The following TPP2 variants were observed in gnomAD, a reference collection of about 807,000 sequenced individuals.
TPP2 encodes the protein tripeptidyl peptidase 2.
A neutral mutation model predicts 155.9 loss-of-function variants in TPP2; 34 were observed. The ratio of observed to expected loss-of-function variants is 0.22; its 90% confidence interval spans 0.17 to 0.29. The LOEUF (loss-of-function observed/expected upper bound fraction) is 0.29, where lower values mean the gene tolerates loss of function less well. Ranked by LOEUF, TPP2 falls within the 10% of genes least tolerant of loss-of-function variation. TPP2 has a pLI of 1.00. For missense variants in TPP2, 1,028 were observed against 1,522.3 expected (o/e 0.68, Z 5.40); for synonymous variants, 510 against 529.4 (o/e 0.96, Z 0.50).
intron 6 of TPP2, among the ~76,000 whole-genome samples, chr13:102,624,113 T>C (rs139486631): frequency 0.014 from 2,159 of 152,290 alleles, 20 homozygotes; most frequent in Admixed American, 0.032. Flanking sequence ...TGAAAAAATA[T>C]GTACTGATGA....
rs993728199 is a variant in TPP2, at chr13:102,636,388, C to G, written c.1674C>G (p.Asn558Lys). Reference sequence around the variant, plus strand: ...GCATTGAACCTGTATTTCCGGAGAACACAGGTCAGTAATAGGCTGGCAGTA... The same window carrying G: ...GCATTGAACCTGTATTTCCGGAGAAGACAGGTCAGTAATAGGCTGGCAGTA... The part of the protein sequence containing the change: ...GVGIEPVFPE[N>K]TENSEKISLQ... The change falls in exon 13 of 30, where the codon AAC becomes AAG. Residue 558 changes from asparagine (N) to lysine (K), a missense_variant. Physicochemically the swap from Asn to Lys is moderately conservative, Grantham distance 94. Coordinates refer to ENST00000376052, the MANE Select transcript of TPP2 (RefSeq NM_001330588.2). The G allele has an allele frequency of 3.7e-6, 6 of 1,611,820 alleles. No individual in the cohort carries two copies. The African/African-American group carries it at 8.0e-5, about 22-fold the overall frequency.
At chr13:102,669,468 A>G (rs1396029500) in intron 27 of TPP2, among the ~76,000 whole-genome samples, 1 of 152,232 alleles carries the variant, frequency 6.6e-6, no homozygotes, top group African/African-American at 2.4e-5. Flanking sequence ...TTAATAACAT[A>G]TTGAGCAGAC....
intron 7 of TPP2, 28 bp downstream of exon 7, chr13:102,627,194 A>G: frequency 6.5e-7 from 1 of 1,528,488 alleles, no homozygotes; most frequent in Non-Finnish European, 8.8e-7. Context: ...GTTGATTCAG[A>G]AGATTAATGA....
At position 102,646,390 on chromosome 13, in the gene TPP2, A is replaced by G; in HGVS notation, c.2490A>G (p.Gln830=). 6.2e-7 allele frequency: 1 copy of G among 1,610,224 alleles called. No individual in the cohort carries two copies. Among genetic ancestry groups the G allele is most frequent in the Admixed American group, 1.7e-5 (1 of 59,644 alleles). Residue 830 remains glutamine, a splice_region_variant and synonymous_variant, in exon 20 of 30, where the codon CAA becomes CAG. Coordinates refer to ENST00000376052, the MANE Select transcript of TPP2 (RefSeq NM_001330588.2). ...TGGTCCTGACATATAACTTTCATCAAGTAAGTGTTTGCCTAGTAAAGTGTA... is the reference window on the plus strand; with the variant it reads ...TGGTCCTGACATATAACTTTCATCAGGTAAGTGTTTGCCTAGTAAAGTGTA... The part of the protein sequence containing the change: ...YEMVLTYNFH[Q]PKSGEVTPSC...
At chr13:102,631,614 T>TA (rs1882025952) in intron 10 of TPP2, 1 of 152,280 alleles carries the variant, frequency 6.6e-6, no homozygotes, top group African/African-American at 2.4e-5. Context: ...CCTTTGCCGA[T>TA]ACTCGCCATA....
chr13:102,662,414 A>G (rs563705601), intron 25 of TPP2, among the ~76,000 whole-genome samples: 1 of 152,226 alleles, frequency 6.6e-6, no homozygotes, highest in Non-Finnish European at 1.5e-5. Context: ...TGGAGAAAAA[A>G]TTGAAAAGGT....
At chr13:102,659,319 G>A (rs1884053783) in intron 25 of TPP2, among the ~76,000 whole-genome samples, 1 of 152,112 alleles carries the variant, frequency 6.6e-6, no homozygotes, top group African/African-American at 2.4e-5. Context: ...ATAATGGCTG[G>A]AAACACCCCA....
chr13:102,605,520 T>C (rs1440135466), intron 2 of TPP2, among the ~76,000 whole-genome samples: 3 of 152,134 alleles, frequency 2.0e-5, no homozygotes, highest in African/African-American at 4.8e-5. Flanking sequence ...TAATTAGAAT[T>C]GGGCGGTATT....
chr13:102,606,823 G>A (rs1879868729), intron 2 of TPP2, among the ~76,000 whole-genome samples: 1 of 152,152 alleles, frequency 6.6e-6, no homozygotes, highest in Admixed American at 6.5e-5. Context: ...AATAATCCAG[G>A]TTCTACTTCC....
At chr13:102,660,410 A>C (rs1206157847) in intron 25 of TPP2, among the ~76,000 whole-genome samples, 1 of 145,178 alleles carries the variant, frequency 6.9e-6, no homozygotes, top group African/African-American at 2.6e-5. Flanking sequence ...AACATTGAAA[A>C]AAATAAAATG....
At chr13:102,672,750 G>T (rs1399329424) in intron 27 of TPP2, among the ~76,000 whole-genome samples, 2 of 152,198 alleles carry the variant, frequency 1.3e-5, no homozygotes, top group African/African-American at 2.4e-5. Context: ...GGGAAGGAGG[G>T]TGGATCAGGC....
At chr13:102,638,184 CG>C (rs1456684914) in intron 14 of TPP2, 54 bp from the exon 15 acceptor site, 5 of 1,516,300 alleles carry the variant, frequency 3.3e-6, no homozygotes, top group African/African-American at 1.4e-5. Flanking sequence ...GACCTTCCCC[CG>C]CTCTTTTAAA....
At chr13:102,670,365 G>T (rs571939633) in intron 27 of TPP2, among the ~76,000 whole-genome samples, 1 of 152,102 alleles carries the variant, frequency 6.6e-6, no homozygotes, top group African/African-American at 2.4e-5. Context: ...ATGACATCAC[G>T]GTCATAACCT....
At chr13:102,634,208 T>A in intron 11 of TPP2, 110 bp downstream of exon 11, 1 of 1,445,846 alleles carries the variant, frequency 6.9e-7, no homozygotes, top group Non-Finnish European at 9.5e-7. Context: ...GGGCACAAAG[T>A]AGAGTTTAAG....
At chr13:102,630,556 G>C (rs539761132) in intron 10 of TPP2, among the ~76,000 whole-genome samples, 1 of 152,116 alleles carries the variant, frequency 6.6e-6, no homozygotes, top group Non-Finnish European at 1.5e-5. Flanking sequence ...AAAGCCCTAA[G>C]CTTTTATAAA....
intron 25 of TPP2, among the ~76,000 whole-genome samples, chr13:102,660,413 A>T (rs1289901229): frequency 1.4e-5 from 2 of 142,120 alleles, no homozygotes; most frequent in Non-Finnish European, 3.1e-5. Flanking sequence ...ATTGAAAAAA[A>T]TAAAATGTGT....
Position 102,674,275 on chromosome 13 carries a change from C to T in TPP2, c.3372-8C>T. The T allele has an allele frequency of 6.2e-7, 1 of 1,610,288 alleles. No individual in the cohort carries two copies. Among genetic ancestry groups the T allele is most frequent in the Non-Finnish European group, 8.5e-7 (1 of 1,178,442 alleles). ...GATATCTGAAATATTTTTTAATTTG[C>T]TGTACAGTGACATGGACAAACAAAA... On this transcript the variant is annotated splice_region_variant and splice_polypyrimidine_tract_variant and intron_variant, in intron 27 of 29. Coordinates refer to ENST00000376052, the MANE Select transcript of TPP2 (RefSeq NM_001330588.2).
At chr13:102,605,315 G>A (rs766990508) in intron 2 of TPP2, among the ~76,000 whole-genome samples, 2 of 152,222 alleles carry the variant, frequency 1.3e-5, no homozygotes, top group Admixed American at 6.5e-5. Context: ...GGAGTGAGCC[G>A]AGAGAGTCCC....
chr13:102,615,764 C>T (rs1344274302), intron 3 of TPP2, among the ~76,000 whole-genome samples: 1 of 152,144 alleles, frequency 6.6e-6, no homozygotes, highest in Non-Finnish European at 1.5e-5. Flanking sequence ...CAGAATACAA[C>T]ATTTTCTTCC....
Sources: allele counts gnomAD v4.1 joint callset (sites outside exome capture counted in the v4.1 genomes callset), GRCh38; gene constraint gnomAD v4.1.1; transcripts MANE v1.5; gene names NCBI Gene and HGNC (gene_info 2026-07-23, HGNC 2026-07-21).